Variants in TCF12 observed in about 807,000 individuals in gnomAD.
TCF12 encodes the protein transcription factor 12, also known as DNA-binding protein HTF4.
A neutral mutation model predicts 86.0 loss-of-function variants in TCF12; 45 were observed. That is an observed-to-expected ratio of 0.52 (90% CI 0.41 to 0.67). TCF12 has a LOEUF of 0.67. Ranked by LOEUF, TCF12 falls within the 30% of genes least tolerant of loss-of-function variation. The probability of loss-of-function intolerance (pLI) is 0.00; values close to 1 mark genes in which losing one functional copy is unlikely to be tolerated. For synonymous variants in TCF12, 330 were observed against 299.6 expected (o/e 1.10, Z -1.05); for missense variants, 881 against 859.9 (o/e 1.02, Z -0.31).
At chr15:57,076,648 A>AG (rs1210399592) in intron 4 of TCF12, among the ~76,000 whole-genome samples, 1 of 151,882 alleles carries the variant, frequency 6.6e-6, no homozygotes, top group African/African-American at 2.4e-5. Flanking sequence ...CAAAAAAAAA[A>AG]AAAAGAAAAG....
intron 3 of TCF12, among the ~76,000 whole-genome samples, chr15:56,962,001 G>A (rs1168983357): frequency 6.6e-5 from 10 of 151,518 alleles, no homozygotes; most frequent in Admixed American, 3.9e-4. Flanking sequence ...GCGTGGTGGC[G>A]GGCGCCTGTA....
intron 3 of TCF12, among the ~76,000 whole-genome samples, chr15:57,003,143 G>A (rs939662748): frequency 6.6e-6 from 1 of 152,140 alleles, no homozygotes; most frequent in Non-Finnish European, 1.5e-5. Flanking sequence ...ATGGGTTGAG[G>A]AAATCTGGAG....
intron 6 of TCF12, among the ~76,000 whole-genome samples, chr15:57,171,751 A>G (rs763726210): frequency 7.9e-5 from 12 of 152,224 alleles, no homozygotes; most frequent in Non-Finnish European, 1.5e-4. Flanking sequence ...ACACTGATAG[A>G]TCATTCTGCA....
chr15:57,086,164 C>T (rs1279823290), intron 4 of TCF12, among the ~76,000 whole-genome samples: 1 of 149,392 alleles, frequency 6.7e-6, no homozygotes, highest in African/African-American at 2.5e-5. Flanking sequence ...AATAGGGTCC[C>T]TGTGCTCTCA....
At chr15:57,261,950 C>A (rs549751695) in intron 16 of TCF12, 144 bp from the exon 17 acceptor site, 5 of 515,364 alleles carry the variant, frequency 9.7e-6, no homozygotes, top group Non-Finnish European at 1.7e-5. Context: ...TCCCCAAAAA[C>A]CAGAATAATG....
At position 57,091,803 on chromosome 15, in the gene TCF12, C is replaced by A. The variant is rs777752477; in HGVS notation, c.237C>A (p.Ser79Arg). The change falls in exon 5 of 21, where the codon AGC (serine) becomes AGA (arginine). Residue 79 changes from serine (S) to arginine (R), a missense_variant. This residue lies in a region of TCF12 where 766 missense variants were observed against 718.9 expected (regional missense o/e 1.07). Coordinates refer to ENST00000333725, the MANE Select transcript of TCF12 (RefSeq NM_207037.2). ...SYDSSRGFTD[S>R]PHYSDHLNDS... ...TCTCCCCCTAGGGTTTTACAGACAG[C>A]CCTCATTACAGTGATCACTTGAATG... 2 of 1,613,580 alleles carry A rather than the reference C, an allele frequency of 1.2e-6. No individual in the cohort carries two copies. The highest frequency in any genetic ancestry group is 1.1e-5 in the South Asian group (1 of 91,038).
intron 3 of TCF12, among the ~76,000 whole-genome samples, chr15:56,937,630 C>T (rs1405862899): frequency 2.6e-5 from 4 of 151,840 alleles, no homozygotes; most frequent in Admixed American, 6.6e-5. Context: ...TTCCAATTCT[C>T]GGAGGGAATG....
intron 5 of TCF12, among the ~76,000 whole-genome samples, chr15:57,141,863 A>T (rs1292667903): frequency 6.6e-6 from 1 of 152,206 alleles, no homozygotes; most frequent in Non-Finnish European, 1.5e-5. Flanking sequence ...GAACAGGAAG[A>T]TTAGCTAGAT....
At chr15:56,946,051 T>A (rs2060980241) in intron 3 of TCF12, among the ~76,000 whole-genome samples, 1 of 152,214 alleles carries the variant, frequency 6.6e-6, no homozygotes, top group Non-Finnish European at 1.5e-5. Flanking sequence ...TTTATAAATT[T>A]CTCAGTCTCA....
chr15:56,923,578 G>A (rs1266362667), intron 3 of TCF12, among the ~76,000 whole-genome samples: 2 of 152,046 alleles, frequency 1.3e-5, no homozygotes, highest in Non-Finnish European at 2.9e-5. Context: ...ACTCTAATTA[G>A]GGCAGTGTAT....
chr15:57,040,714 A>G (rs2066840769), intron 3 of TCF12, among the ~76,000 whole-genome samples: 2 of 152,220 alleles, frequency 1.3e-5, no homozygotes, highest in Non-Finnish European at 2.9e-5. Flanking sequence ...AACACAAAAA[A>G]CAGTTTCGAG....
chr15:57,078,725 A>G (rs2151047213), intron 4 of TCF12, among the ~76,000 whole-genome samples: 1 of 152,350 alleles, frequency 6.6e-6, no homozygotes, highest in Non-Finnish European at 1.5e-5. Context: ...AATCGAGAGC[A>G]GGTAAGACGA....
intron 4 of TCF12, among the ~76,000 whole-genome samples, chr15:57,091,060 A>G (rs1448312790): frequency 6.6e-6 from 1 of 152,212 alleles, no homozygotes; most frequent in Non-Finnish European, 1.5e-5. Flanking sequence ...GAAAAGTAAC[A>G]TTAGCTTTAT....
chr15:57,170,698 TA>T (rs2055332806), intron 6 of TCF12, among the ~76,000 whole-genome samples: 1 of 2,894 alleles, frequency 3.5e-4, no homozygotes, highest in South Asian at 0.016. Flanking sequence ...TAATATATAT[TA>T]TATATAATAT....
chr15:57,265,838 A>C (rs1023855900), intron 18 of TCF12, among the ~76,000 whole-genome samples: 2 of 151,786 alleles, frequency 1.3e-5, no homozygotes, highest in East Asian at 1.9e-4. Flanking sequence ...ATAACAAACA[A>C]AGAGTTAACG....
intron 12 of TCF12, among the ~76,000 whole-genome samples, chr15:57,241,715 G>A (rs1488438141): frequency 6.6e-6 from 1 of 152,136 alleles, no homozygotes; most frequent in African/African-American, 2.4e-5. Context: ...AAATCTGGTG[G>A]GCCGTGGTGG....
At chr15:57,098,205 C>G (rs2049475161) in intron 5 of TCF12, among the ~76,000 whole-genome samples, 1 of 151,650 alleles carries the variant, frequency 6.6e-6, no homozygotes, top group South Asian at 2.1e-4. Flanking sequence ...AACAAACAAA[C>G]AAAAAAACAG....
At chr15:56,921,847 T>TA (rs1399981465) in intron 3 of TCF12, among the ~76,000 whole-genome samples, 4 of 152,186 alleles carry the variant, frequency 2.6e-5, no homozygotes, top group South Asian at 2.1e-4. Flanking sequence ...CATAACCACC[T>TA]AAACACTTTA....
At position 57,253,345 on chromosome 15, in the gene TCF12, T is replaced by A. The variant is rs2060205392; in HGVS notation, c.1344T>A (p.Ser448Arg). The A allele has an allele frequency of 1.2e-6, 2 of 1,614,142 alleles. No homozygotes were observed. Among genetic ancestry groups the A allele is most frequent in the Admixed American group, 1.7e-5 (1 of 60,024 alleles). Reference sequence around the variant, plus strand: ...ACCATGCTGTGGGACCTTCCACCAGTTTGCCTGCTGGTCACAGTGATATAC... The same window carrying A: ...ACCATGCTGTGGGACCTTCCACCAGATTGCCTGCTGGTCACAGTGATATAC... Reference protein sequence around the residue: ...LRNHAVGPSTSLPAGHSDIHS... With the variant: ...LRNHAVGPSTRLPAGHSDIHS... The change falls in exon 16 of 21, where the codon AGT (serine) becomes AGA (arginine). Residue 448 changes from serine (S) to arginine (R), a missense_variant. Transcript: ENST00000333725.
Sources: allele counts gnomAD v4.1 joint callset (sites outside exome capture counted in the v4.1 genomes callset), GRCh38; gene constraint gnomAD v4.1.1; regional missense constraint gnomAD v4.1.1; transcripts MANE v1.5; gene names NCBI Gene and HGNC (gene_info 2026-07-23, HGNC 2026-07-21).